MYO3B: variants seen among roughly 807,000 people sequenced by gnomAD.
The protein encoded by MYO3B is myosin IIIB.
In MYO3B, 156 loss-of-function variants were observed where a neutral mutation model predicts 174.6. The ratio of observed to expected loss-of-function variants is 0.89; its 90% CI spans 0.78 to 1.02. The LOEUF is 1.02. Ranked by LOEUF, MYO3B falls within the 50% of genes least tolerant of loss-of-function variation. MYO3B has a pLI of 0.00. For missense variants in MYO3B, 1,632 were observed against 1,639.4 expected, an observed-to-expected ratio of 1.00 and a Z score of 0.08; for synonymous variants, 563 against 569.1, an observed-to-expected ratio of 0.99 and a Z score of 0.15.
chr2:170,649,639 C>A lies in MYO3B; in HGVS notation c.3734-1989C>A, dbSNP rs1427087576. On this transcript the variant is annotated intron_variant, in intron 32 of 34. Transcript: ENST00000408978. Reference sequence around the variant, plus strand: ...GCTAGGAGTTCGAGACCAGCCTGGCCAACATGATGAAACCCCATCTCTACA... The same window carrying A: ...GCTAGGAGTTCGAGACCAGCCTGGCAAACATGATGAAACCCCATCTCTACA... Among the ~76,000 whole-genome samples, 3 of 150,130 alleles carry A rather than the reference C, an allele frequency of 2.0e-5. No individual in the cohort carries two copies. The East Asian group carries it at 5.9e-4, about 29-fold the overall frequency.
chr2:170,508,451 G>A (rs1687760938), intron 28 of MYO3B, among the ~76,000 whole-genome samples: 1 of 152,190 alleles, frequency 6.6e-6, no homozygotes, highest in Admixed American at 6.5e-5. Context: ...AAAGCTAACT[G>A]GGCTGTGGCA....
rs1239703982 is a variant in MYO3B, at chr2:170,649,236, TATATATTATATATAAA to T, written c.3734-2388_3734-2373del. On this transcript the variant is annotated intron_variant, in intron 32 of 34. Coordinates refer to ENST00000408978, the MANE Select transcript of MYO3B (RefSeq NM_138995.5). ...ATATAATATATTATATATAAAATAA[TATATATTATATATAAA>T]ATAATATATAATATATTATATATAA... Among the ~76,000 whole-genome samples, 12 of 30,692 alleles carry T rather than the reference TATATATTATATATAAA, an allele frequency of 3.9e-4. 1 individual carries two copies. The highest frequency in any genetic ancestry group is 2.2e-3 in the African/African-American group (11 of 4,916). 20.1% of individuals were successfully genotyped at this position (30,692 alleles called of 152,430 possible).
chr2:170,381,843 A>G (rs1286590004), intron 9 of MYO3B, among the ~76,000 whole-genome samples, 173 bp from the exon 10 acceptor site: 5 of 152,230 alleles, frequency 3.3e-5, no homozygotes, highest in African/African-American at 1.2e-4. Context: ...CTTTATCCCA[A>G]TAGTTCTACA....
In MYO3B at chr2:170,249,427, A is replaced by T. The variant is rs182047529; in HGVS notation, c.749+13291A>T. Among the ~76,000 whole-genome samples the T allele has an allele frequency of 2.0e-5, 3 of 152,302 alleles. No homozygotes were observed. In the East Asian group the frequency reaches 5.8e-4, roughly 29 times the overall value. The stretch of plus-strand genomic sequence containing the variant: ...TTTGGCCTCAGCAGTTTAGTAACAG[A>T]TGTTCTTATTCATATCAACATTTGC... On this transcript the variant is annotated intron_variant, in intron 7 of 34. Coordinates refer to ENST00000408978, the MANE Select transcript of MYO3B (RefSeq NM_138995.5).
At chr2:170,640,416 G>T (rs914840262) in intron 32 of MYO3B, 1 of 152,146 alleles carries the variant, frequency 6.6e-6, no homozygotes, top group Non-Finnish European at 1.5e-5. Flanking sequence ...TCATTCCCAA[G>T]TGAAGGCCTC....
At position 170,549,799 on chromosome 2, in the gene MYO3B, C is replaced by T. The variant is rs1310364069; in HGVS notation, c.3733+5811C>T. Among the ~76,000 whole-genome samples the T allele has an allele frequency of 2.6e-5, 4 of 152,176 alleles. No homozygotes were observed. In the South Asian group the frequency reaches 6.2e-4, roughly 24 times the overall value. On this transcript the variant is annotated intron_variant, in intron 32 of 34. Transcript: ENST00000408978. ...TTTGATTTAGGCAAGATCACTATATCGGGCAAGACTATGCCTCAGATCCAT... is the reference window on the plus strand; with the variant it reads ...TTTGATTTAGGCAAGATCACTATATTGGGCAAGACTATGCCTCAGATCCAT...
At chr2:170,370,257 A>C (rs1486571629) in intron 9 of MYO3B, among the ~76,000 whole-genome samples, 3 of 152,208 alleles carry the variant, frequency 2.0e-5, no homozygotes, top group Non-Finnish European at 4.4e-5. Context: ...AAATATCATA[A>C]GTTACAAGTT....
chr2:170,216,613 A>C (rs902117886), intron 5 of MYO3B, among the ~76,000 whole-genome samples: 1 of 152,208 alleles, frequency 6.6e-6, no homozygotes, highest in Non-Finnish European at 1.5e-5. Context: ...TAATGTTATT[A>C]GTCATTTTCT....
intron 9 of MYO3B, 77 bp from the exon 10 acceptor site, chr2:170,381,939 A>C (rs2094338636): frequency 1.7e-6 from 2 of 1,190,042 alleles, no homozygotes; most frequent in African/African-American, 3.0e-5. Flanking sequence ...AAGATTGTGA[A>C]TGAGCCATGC....
chr2:170,333,274 C>T (rs1179969438), intron 7 of MYO3B, among the ~76,000 whole-genome samples: 1 of 152,060 alleles, frequency 6.6e-6, no homozygotes, highest in Non-Finnish European at 1.5e-5. Flanking sequence ...AAGAACTGCT[C>T]AGTCAAACTA....
chr2:170,252,672 A>G (rs2093265963), intron 7 of MYO3B, among the ~76,000 whole-genome samples: 1 of 152,340 alleles, frequency 6.6e-6, no homozygotes, highest in African/African-American at 2.4e-5. Context: ...AGGTGACAAT[A>G]TGTCCCTGTA....
chr2:170,466,441 C>A, intron 24 of MYO3B, 65 bp from the exon 25 acceptor site: 1 of 1,483,986 alleles, frequency 6.7e-7, no homozygotes, highest in Non-Finnish European at 9.3e-7. Flanking sequence ...TTCTGCGGGC[C>A]TGTGTTGTAA....
chr2:170,646,588 A>G (rs6732636), intron 32 of MYO3B, among the ~76,000 whole-genome samples: 67,364 of 151,762 alleles, frequency 0.44, 16,379 homozygotes, highest in African/African-American at 0.66. Flanking sequence ...TAGAGATGGC[A>G]CTTCGCCATG....
At chr2:170,612,881 A>G (rs2105298206) in intron 32 of MYO3B, among the ~76,000 whole-genome samples, 1 of 152,324 alleles carries the variant, frequency 6.6e-6, no homozygotes, top group East Asian at 1.9e-4. Flanking sequence ...TTTTCACTTT[A>G]GAAAGACTCA....
At chr2:170,322,232 A>G (rs1002486952) in intron 7 of MYO3B, among the ~76,000 whole-genome samples, 6 of 152,186 alleles carry the variant, frequency 3.9e-5, no homozygotes, top group African/African-American at 1.2e-4. Flanking sequence ...AATCTACGAA[A>G]TAAACACTTA....
intron 32 of MYO3B, among the ~76,000 whole-genome samples, chr2:170,547,102 G>A (rs891249681): frequency 1.3e-5 from 2 of 150,766 alleles, no homozygotes; most frequent in Non-Finnish European, 1.5e-5. Flanking sequence ...GGCAGATCAC[G>A]AGGTCAGGAG....
chr2:170,560,865 G>A (rs889362486), intron 32 of MYO3B, among the ~76,000 whole-genome samples: 1 of 152,186 alleles, frequency 6.6e-6, no homozygotes, highest in Non-Finnish European at 1.5e-5. Context: ...ATTAGCCTGG[G>A]TGAATGCTGG....
intron 7 of MYO3B, among the ~76,000 whole-genome samples, chr2:170,306,242 A>G (rs2093700114): frequency 6.6e-6 from 1 of 152,234 alleles, no homozygotes; most frequent in African/African-American, 2.4e-5. Context: ...TTGAAGATCT[A>G]AATTTCCAAA....
chr2:170,363,078 G>A (rs577402271), intron 8 of MYO3B, among the ~76,000 whole-genome samples: 26 of 152,278 alleles, frequency 1.7e-4, no homozygotes, highest in Non-Finnish European at 2.8e-4. Context: ...GGGCAGCACA[G>A]TGAATCACAC....
Sources: gnomAD v4.1 joint callset for allele counts (sites outside exome capture counted in the v4.1 genomes callset) on GRCh38, gnomAD v4.1.1 for gene constraint, MANE v1.5 for transcripts, NCBI Gene and HGNC (gene_info 2026-07-23, HGNC 2026-07-21) for gene names.